TBL1XR1: variants seen among roughly 807,000 people sequenced by gnomAD.
The protein encoded by TBL1XR1 is TBL1X/Y related 1, also known as F-box-like/WD repeat-containing protein TBL1XR1.
Under a neutral mutation model 66.9 loss-of-function variants are expected in TBL1XR1, and 5 were observed. The observed-to-expected ratio is 0.07, with a 90% CI of 0.04 to 0.16. The LOEUF is 0.16. TBL1XR1 is among the 10% of genes least tolerant of loss of function. TBL1XR1 has a pLI of 1.00. For synonymous variants in TBL1XR1, 210 were observed against 206.0 expected, an observed-to-expected ratio of 1.02 and a Z score of -0.17; for missense variants, 238 against 623.2, an observed-to-expected ratio of 0.38 and a Z score of 6.58.
intron 1 of TBL1XR1, among the ~76,000 whole-genome samples, chr3:177,124,130 C>T (rs191880947): frequency 2.0e-5 from 3 of 151,966 alleles, no homozygotes; most frequent in African/African-American, 4.8e-5. Flanking sequence ...CAGGGTAAGG[C>T]ATAATAACAT....
At chr3:177,164,728 G>C (rs969652426) in intron 1 of TBL1XR1, among the ~76,000 whole-genome samples, 1 of 152,150 alleles carries the variant, frequency 6.6e-6, no homozygotes. Flanking sequence ...CGAACTGAAA[G>C]AATATTGTTA....
At chr3:177,070,023 C>T (rs1472686270) in intron 2 of TBL1XR1, among the ~76,000 whole-genome samples, 4 of 152,140 alleles carry the variant, frequency 2.6e-5, no homozygotes, top group African/African-American at 4.8e-5. Context: ...TCACAAAATG[C>T]TTTTTTAAAA....
chr3:177,168,181 C>T (rs1284685135), intron 1 of TBL1XR1, among the ~76,000 whole-genome samples: 1 of 152,142 alleles, frequency 6.6e-6, no homozygotes, highest in East Asian at 1.9e-4. Flanking sequence ...CTTATGAATC[C>T]TCTTCTAATT....
chr3:177,163,780 G>T (rs1159078703), intron 1 of TBL1XR1, among the ~76,000 whole-genome samples: 1 of 152,094 alleles, frequency 6.6e-6, no homozygotes, highest in African/African-American at 2.4e-5. Flanking sequence ...TTTGAACAAC[G>T]TGAATATATT....
At chr3:177,107,041 TCAAA>T (rs1289488798) in intron 1 of TBL1XR1, among the ~76,000 whole-genome samples, 12 of 152,210 alleles carry the variant, frequency 7.9e-5, no homozygotes, top group Admixed American at 3.9e-4. Flanking sequence ...AAGCAGTTCT[TCAAA>T]CACTCTTCAC....
At chr3:177,110,652 G>A (rs1258599417) in intron 1 of TBL1XR1, among the ~76,000 whole-genome samples, 1 of 152,150 alleles carries the variant, frequency 6.6e-6, no homozygotes, top group Non-Finnish European at 1.5e-5. Flanking sequence ...AGGAATAAAT[G>A]ACAGTATGTC....
intron 1 of TBL1XR1, among the ~76,000 whole-genome samples, chr3:177,173,917 C>G (rs900643678): frequency 6.6e-6 from 1 of 152,076 alleles, no homozygotes; most frequent in Non-Finnish European, 1.5e-5. Flanking sequence ...CAGATTAACA[C>G]TCCAATGTTA....
intron 1 of TBL1XR1, among the ~76,000 whole-genome samples, chr3:177,143,059 T>C (rs1324766900): frequency 6.6e-6 from 1 of 151,380 alleles, no homozygotes; most frequent in Non-Finnish European, 1.5e-5. Context: ...ATCACTATGC[T>C]TAGGGCTATC....
At chr3:177,152,812 T>C (rs1731051433) in intron 1 of TBL1XR1, among the ~76,000 whole-genome samples, 1 of 152,210 alleles carries the variant, frequency 6.6e-6, no homozygotes, top group African/African-American at 2.4e-5. Context: ...CTTTGCTCTT[T>C]TTCCATTTTC....
chr3:177,043,896 A>G (rs1715959890), intron 10 of TBL1XR1, among the ~76,000 whole-genome samples: 1 of 152,130 alleles, frequency 6.6e-6, no homozygotes, highest in African/African-American at 2.4e-5. Context: ...ACTTGTCACC[A>G]TCTACCTTGA....
rs542791571 is a variant in TBL1XR1 at position 177,129,514 on chromosome 3, T to C, written c.-121-30973A>G. ...GCCATAAACAAGAGCACACACTGTATGTTTATATGAAACACAAGAATAATG... is the reference window on the plus strand; with the variant it reads ...GCCATAAACAAGAGCACACACTGTACGTTTATATGAAACACAAGAATAATG... On this transcript the variant is annotated intron_variant, in intron 1 of 15. Transcript: ENST00000457928. Among the ~76,000 whole-genome samples, 5 of 152,340 alleles carry C rather than the reference T, an allele frequency of 3.3e-5. No homozygotes were observed. The South Asian group carries it at 1.0e-3, about 32-fold the overall frequency.
Position 177,160,057 on chromosome 3 carries a change from TA to T in TBL1XR1, c.-122+37063del, listed in dbSNP as rs566079990. Among the ~76,000 whole-genome samples, 189 of 152,238 alleles carry T rather than the reference TA, an allele frequency of 1.2e-3. 1 individual carries two copies. The highest frequency in any genetic ancestry group is 4.4e-3 in the African/African-American group (182 of 41,546). On this transcript the variant is annotated intron_variant, in intron 1 of 15. Transcript: ENST00000457928. ...ACCCTGAGCACATTACTTAATCCAA[TA>T]AAGAGTGGGGAAAATGGAGCAAGAG...
chr3:177,088,505 C>T (rs1475743848), intron 2 of TBL1XR1, among the ~76,000 whole-genome samples: 4 of 152,046 alleles, frequency 2.6e-5, no homozygotes, highest in African/African-American at 9.7e-5. Flanking sequence ...TACTCTGGTC[C>T]TAAGTATTTT....
At chr3:177,071,660 C>G (rs1460132106) in intron 2 of TBL1XR1, among the ~76,000 whole-genome samples, 1 of 152,132 alleles carries the variant, frequency 6.6e-6, no homozygotes, top group Non-Finnish European at 1.5e-5. Flanking sequence ...AATGCTCGCT[C>G]AAATCGAGTG....
At chr3:177,137,377 G>A (rs780951724) in intron 1 of TBL1XR1, among the ~76,000 whole-genome samples, 29 of 152,054 alleles carry the variant, frequency 1.9e-4, no homozygotes, top group African/African-American at 2.9e-4. Flanking sequence ...CTGTAGTCCC[G>A]GTTACTCGGG....
intron 1 of TBL1XR1, among the ~76,000 whole-genome samples, chr3:177,109,120 A>G (rs1044163308): frequency 6.6e-6 from 1 of 152,226 alleles, no homozygotes; most frequent in African/African-American, 2.4e-5. Flanking sequence ...AATATGGGGA[A>G]AAAACAAGTA....
chr3:177,044,581 G>C (rs997277617), intron 10 of TBL1XR1, among the ~76,000 whole-genome samples: 1 of 151,974 alleles, frequency 6.6e-6, no homozygotes, highest in Non-Finnish European at 1.5e-5. Context: ...TCCTGAGTGC[G>C]GTAATAGTTT....
intron 1 of TBL1XR1, among the ~76,000 whole-genome samples, chr3:177,137,106 C>T (rs1379334384): frequency 6.6e-6 from 1 of 151,932 alleles, no homozygotes; most frequent in African/African-American, 2.4e-5. Context: ...AGCATTATGG[C>T]ATACATTAAA....
chr3:177,080,517 C>CT (rs1214625779), intron 2 of TBL1XR1, among the ~76,000 whole-genome samples: 1 of 152,044 alleles, frequency 6.6e-6, no homozygotes, highest in Non-Finnish European at 1.5e-5. Context: ...TTGTGATATC[C>CT]TTCTGTGTTA....
Sources: gnomAD v4.1 joint callset for allele counts (sites outside exome capture counted in the v4.1 genomes callset) on GRCh38, gnomAD v4.1.1 for gene constraint, MANE v1.5 for transcripts, NCBI Gene and HGNC (gene_info 2026-07-23, HGNC 2026-07-21) for gene names.